The following SLAMF1 variants were observed in gnomAD, a reference collection of about 807,000 sequenced individuals.
The protein encoded by SLAMF1 is signaling lymphocytic activation molecule.
SLAMF1 carries 18 observed loss-of-function variants against 35.1 expected under a neutral mutation model. The observed-to-expected ratio is 0.51, with a 90% CI of 0.35 to 0.76. The LOEUF (loss-of-function observed/expected upper bound fraction) is 0.76. Among genes scored for constraint, SLAMF1 ranks in the 30% least tolerant of loss-of-function variants. SLAMF1 has a pLI of 0.01. For synonymous variants in SLAMF1, 168 were observed against 157.2 expected, an observed-to-expected ratio of 1.07 and a Z score of -0.51; for missense variants, 392 against 413.0, an observed-to-expected ratio of 0.95 and a Z score of 0.44.
At chr1:160,643,486 T>C (rs113344201) in intron 1 of SLAMF1, among the ~76,000 whole-genome samples, 11 of 152,336 alleles carry the variant, frequency 7.2e-5, no homozygotes, top group African/African-American at 2.6e-4. Context: ...TCAGAGCAAT[T>C]ACCTATGCAA....
At position 160,632,460 on chromosome 1, in the gene SLAMF1, G is replaced by A. The variant is rs373730425; in HGVS notation, c.700+2153C>T. ...CTACTCAGTAAATCTGGTTCCCACT[G>A]GTGCATTCTTGGTCCTCAGAGTGGC... On this transcript the variant is annotated intron_variant, in intron 3 of 6. Transcript: ENST00000302035. Among the ~76,000 whole-genome samples the A allele has an allele frequency of 3.3e-5, 5 of 152,232 alleles. 1 individual carries two copies. In the Middle Eastern group the frequency reaches 0.01, roughly 311 times the overall value.
chr1:160,622,013 ATAGAG>A (rs1659640390), intron 4 of SLAMF1, among the ~76,000 whole-genome samples: 1 of 152,104 alleles, frequency 6.6e-6, no homozygotes, highest in Non-Finnish European at 1.5e-5. Context: ...GTGGCTACAA[ATAGAG>A]TAGAGAACAG....
chr1:160,611,299 T>A (rs1488677172), intron 6 of SLAMF1, among the ~76,000 whole-genome samples: 1 of 152,182 alleles, frequency 6.6e-6, no homozygotes, highest in African/African-American at 2.4e-5. Context: ...AATTTAAGGG[T>A]TTTGCCATAA....
In SLAMF1 at chr1:160,612,482, C is replaced by T. The variant is rs778729010; in HGVS notation, c.957+6G>A. 5 of 1,589,918 alleles carry T rather than the reference C, an allele frequency of 3.1e-6. No individual in the cohort carries two copies. Among genetic ancestry groups the T allele is most frequent in the Non-Finnish European group, 2.6e-6 (3 of 1,159,118 alleles). ...TCTACGGAGAGTAGGCAGAGAGATG[C>T]CTCACCTGGACAGACTCTGGGACAG... On this transcript the variant is annotated splice_donor_region_variant and intron_variant, in intron 6 of 6. Coordinates refer to ENST00000302035, the MANE Select transcript of SLAMF1 (RefSeq NM_003037.5).
At chr1:160,630,316 G>A (rs906425005) in intron 3 of SLAMF1, among the ~76,000 whole-genome samples, 1 of 152,124 alleles carries the variant, frequency 6.6e-6, no homozygotes, top group Non-Finnish European at 1.5e-5. Flanking sequence ...ATTGGAACAA[G>A]GATGAATACA....
At position 160,610,782 on chromosome 1, in the gene SLAMF1, G is replaced by C; in HGVS notation, c.974C>G (p.Thr325Arg). The C allele has an allele frequency of 6.2e-7, 1 of 1,612,354 alleles. No homozygotes were observed. Among genetic ancestry groups the C allele is most frequent in the South Asian group, 1.1e-5 (1 of 91,034 alleles). ...PESVQETNSITVYASVTLPES is the reference protein window; with the variant it reads ...PESVQETNSIRVYASVTLPES ...TGGAAGTGTCACACTAGCATAGACTGTGATGGAATTTGTTTCCTGGGGACA... is the reference window on the plus strand; with the variant it reads ...TGGAAGTGTCACACTAGCATAGACTCTGATGGAATTTGTTTCCTGGGGACA... The change falls in exon 7 of 7, where the codon ACA becomes AGA. Residue 325 changes from threonine (T) to arginine (R), a missense_variant. By Grantham distance (71) the Thr-to-Arg change is moderately conservative. Transcript: ENST00000302035.
chr1:160,634,377 G>C (rs1262236927), intron 3 of SLAMF1: 5 of 983,738 alleles, frequency 5.1e-6, no homozygotes, highest in Non-Finnish European at 6.0e-6. Context: ...TAGGCTCTGG[G>C]TCTGTCTCTA....
chr1:160,614,520 G>A (rs1352002780), intron 5 of SLAMF1, among the ~76,000 whole-genome samples: 1 of 151,640 alleles, frequency 6.6e-6, no homozygotes, highest in Non-Finnish European at 1.5e-5. Context: ...GTTGCAGTGA[G>A]CTGAGATGGC....
intron 3 of SLAMF1, among the ~76,000 whole-genome samples, chr1:160,631,903 G>T (rs1416497392): frequency 6.6e-6 from 1 of 152,034 alleles, no homozygotes; most frequent in Non-Finnish European, 1.5e-5. Flanking sequence ...TGAGACAGGT[G>T]GGCCCTAATC....
chr1:160,643,254 C>A (rs557810622), intron 1 of SLAMF1, among the ~76,000 whole-genome samples: 1 of 152,236 alleles, frequency 6.6e-6, no homozygotes, highest in Non-Finnish European at 1.5e-5. Flanking sequence ...GCCAGATAGT[C>A]CGTTACATGT....
chr1:160,643,570 C>T (rs1032977774), intron 1 of SLAMF1, among the ~76,000 whole-genome samples: 1 of 152,098 alleles, frequency 6.6e-6, no homozygotes, highest in South Asian at 2.1e-4. Flanking sequence ...ACTGAAAAGT[C>T]GAGAGAAGTT....
chr1:160,612,435 C>G, intron 6 of SLAMF1, 53 bp downstream of exon 6: 1 of 1,216,018 alleles, frequency 8.2e-7, no homozygotes, highest in Admixed American at 2.2e-5. Context: ...TCCTCATTTT[C>G]CCCTCCTTCA....
At position 160,612,531 on chromosome 1, in the gene SLAMF1, G is replaced by A. The variant is rs760128784; in HGVS notation, c.914C>T (p.Thr305Ile). The A allele has an allele frequency of 2.5e-6, 4 of 1,613,054 alleles. No homozygotes were observed. The highest frequency in any genetic ancestry group is 2.5e-6 in the Non-Finnish European group (3 of 1,179,522). The change falls in exon 6 of 7, where the codon ACC becomes ATC. Residue 305 changes from threonine (T) to isoleucine (I), a missense_variant. Physicochemically the swap from Thr to Ile is moderately conservative, Grantham distance 89. Transcript: ENST00000302035. ...AGGCTCTGTGGCAGCAACATATATG[G>A]TGGTGCAAGGGTCCTGAGCTGGGAA... is the stretch of plus-strand genomic sequence containing the variant. ...DSFPAQDPCT[T>I]IYVAATEPVP...
In SLAMF1 at chr1:160,634,734, G is replaced by A; in HGVS notation, c.579C>T (p.Leu193=). ...GCTGGGGGCCGAGGGTGAGGGACAG[G>A]AGGTGGGAGCTGTTGGCTGGGTTCA... ...HPLNPANSSH[L]LSLTLGPQHA... The change falls in exon 3 of 7, where the codon CTC becomes CTT. Residue 193 remains leucine (L), a synonymous_variant. Transcript: ENST00000302035. 2 of 1,614,202 alleles carry A rather than the reference G, an allele frequency of 1.2e-6. No individual in the cohort carries two copies. The highest frequency in any genetic ancestry group is 2.2e-5 in the East Asian group (1 of 44,890).
chr1:160,629,016 C>G (rs937837067), intron 3 of SLAMF1, among the ~76,000 whole-genome samples: 1 of 152,178 alleles, frequency 6.6e-6, no homozygotes, highest in African/African-American at 2.4e-5. Context: ...GGTCTAGAAG[C>G]TCCTGACTCC....
chr1:160,639,473 C>T (rs1020327676), intron 1 of SLAMF1, among the ~76,000 whole-genome samples: 2 of 152,088 alleles, frequency 1.3e-5, no homozygotes, highest in Non-Finnish European at 1.5e-5. Context: ...GTGATCTGCC[C>T]GCCTCGGCCT....
intron 4 of SLAMF1, 61 bp downstream of exon 4, chr1:160,624,035 G>T: frequency 8.2e-7 from 1 of 1,213,246 alleles, no homozygotes; most frequent in South Asian, 1.3e-5. Context: ...AGCCTGTGGA[G>T]AGAGGTCCCC....
chr1:160,610,671 G>T lies in SLAMF1; in HGVS notation c.*77C>A. The stretch of plus-strand genomic sequence containing the variant: ...GCAGCATGTCTGCCAGAGGAAACTT[G>T]GGGCCTGTGGCCAAGTTCAGTGTTC... On this transcript the variant is annotated 3_prime_UTR_variant, in exon 7 of 7. Coordinates refer to ENST00000302035, the MANE Select transcript of SLAMF1 (RefSeq NM_003037.5). 2 of 1,035,420 alleles carry T rather than the reference G, an allele frequency of 1.9e-6. No individual in the cohort carries two copies. The highest frequency in any genetic ancestry group is 3.1e-6 in the Non-Finnish European group (2 of 655,362). The allele number at this position is 1,035,420 out of a possible 1,614,324, so 64.1% of individuals were successfully genotyped here. A position where few individuals can be genotyped will look rare whatever the true frequency, so the allele number is the denominator to read the frequency against.
chr1:160,636,089 A>G (rs895006583), intron 2 of SLAMF1, among the ~76,000 whole-genome samples: 1 of 152,222 alleles, frequency 6.6e-6, no homozygotes, highest in Non-Finnish European at 1.5e-5. Flanking sequence ...ACATTTTCCA[A>G]AGTAAGAATT....
Sources: allele counts gnomAD v4.1 joint callset (sites outside exome capture counted in the v4.1 genomes callset), GRCh38; gene constraint gnomAD v4.1.1; transcripts MANE v1.5; gene names NCBI Gene and HGNC (gene_info 2026-07-23, HGNC 2026-07-21).